The following LRMDA variants were observed in gnomAD, a reference collection of about 807,000 sequenced individuals.
The protein encoded by LRMDA is leucine rich melanocyte differentiation associated, also known as leucine-rich melanocyte differentiation-associated protein.
LRMDA carries 18 observed loss-of-function variants against 29.8 expected under a neutral mutation model. The ratio of observed to expected loss-of-function variants is 0.60; its 90% CI spans 0.42 to 0.90. The LOEUF is 0.90. Ranked by LOEUF, LRMDA falls within the 40% of genes least tolerant of loss-of-function variation. The pLI is 0.00. For synonymous variants in LRMDA, 125 were observed against 109.4 expected, an observed-to-expected ratio of 1.14 and a Z score of -0.89; for missense variants, 273 against 273.9, an observed-to-expected ratio of 1.00 and a Z score of 0.02.
intron 5 of LRMDA, among the ~76,000 whole-genome samples, chr10:76,272,694 A>T (rs541371209): frequency 6.6e-6 from 1 of 152,116 alleles, no homozygotes; most frequent in Non-Finnish European, 1.5e-5. Flanking sequence ...TGCTATAAAG[A>T]TACTACCTGA....
At chr10:75,662,718 G>A (rs1432351521) in intron 2 of LRMDA, among the ~76,000 whole-genome samples, 1 of 152,188 alleles carries the variant, frequency 6.6e-6, no homozygotes, top group African/African-American at 2.4e-5. Context: ...GGAGTCTCTT[G>A]TTGATTTATG....
intron 6 of LRMDA, among the ~76,000 whole-genome samples, chr10:76,477,455 T>C: frequency 6.6e-6 from 1 of 151,876 alleles, no homozygotes; most frequent in Non-Finnish European, 1.5e-5. Flanking sequence ...AGAATCAATA[T>C]CGTGAAAATG....
chr10:76,538,228 C>A (rs937577252), intron 6 of LRMDA, among the ~76,000 whole-genome samples: 1 of 151,630 alleles, frequency 6.6e-6, no homozygotes, highest in Non-Finnish European at 1.5e-5. Context: ...CAGAGAAGTC[C>A]CTGTCCCATC....
intron 6 of LRMDA, among the ~76,000 whole-genome samples, chr10:76,419,215 G>A (rs539855161): frequency 5.5e-4 from 84 of 152,092 alleles, no homozygotes; most frequent in Non-Finnish European, 1.1e-3. Context: ...TCACTGCCCT[G>A]AAAATCTTTT....
intron 2 of LRMDA, among the ~76,000 whole-genome samples, chr10:75,600,473 A>C (rs1290081429): frequency 6.6e-6 from 1 of 152,194 alleles, no homozygotes; most frequent in Non-Finnish European, 1.5e-5. Context: ...TCCTGTAGCT[A>C]AATTACCCTA....
At chr10:75,948,674 C>A (rs1404501264) in intron 2 of LRMDA, among the ~76,000 whole-genome samples, 1 of 152,104 alleles carries the variant, frequency 6.6e-6, no homozygotes, top group Non-Finnish European at 1.5e-5. Context: ...ACTGAATCTG[C>A]AACATTTAAT....
chr10:75,618,382 C>CTATATATA (rs71477026), intron 2 of LRMDA, among the ~76,000 whole-genome samples: 33 of 77,016 alleles, frequency 4.3e-4, no homozygotes, highest in African/African-American at 1.2e-3. Flanking sequence ...CTCTCTCTCT[C>CTATATATA]TATATATATA....
At chr10:76,471,264 A>C (rs1842614905) in intron 6 of LRMDA, among the ~76,000 whole-genome samples, 1 of 151,762 alleles carries the variant, frequency 6.6e-6, no homozygotes, top group Non-Finnish European at 1.5e-5. Context: ...GTAGGTTTGT[A>C]ATATATTTAA....
chr10:76,206,610 G>A (rs1048314726), intron 5 of LRMDA, among the ~76,000 whole-genome samples: 5 of 152,186 alleles, frequency 3.3e-5, no homozygotes, highest in South Asian at 2.1e-4. Context: ...CCTTTTGTGG[G>A]ACTCTGGGAA....
chr10:75,476,488 G>A (rs764038535), intron 2 of LRMDA, among the ~76,000 whole-genome samples: 1 of 152,114 alleles, frequency 6.6e-6, no homozygotes, highest in Non-Finnish European at 1.5e-5. Context: ...CTGAGTTCAT[G>A]TTCTCACACC....
At chr10:76,430,049 T>C (rs1842174978) in intron 6 of LRMDA, among the ~76,000 whole-genome samples, 1 of 152,236 alleles carries the variant, frequency 6.6e-6, no homozygotes, top group African/African-American at 2.4e-5. Flanking sequence ...TAGCTGTAAA[T>C]TTATCTTATG....
intron 5 of LRMDA, among the ~76,000 whole-genome samples, chr10:76,127,068 T>C (rs1357167864): frequency 6.6e-6 from 1 of 152,188 alleles, no homozygotes; most frequent in Non-Finnish European, 1.5e-5. Flanking sequence ...GCCAAGTGGA[T>C]GTTCACTGTT....
intron 5 of LRMDA, among the ~76,000 whole-genome samples, chr10:76,159,624 G>A (rs1030471025): frequency 5.3e-5 from 8 of 152,180 alleles, no homozygotes; most frequent in African/African-American, 1.9e-4. Flanking sequence ...AAAACTTGGA[G>A]GCAACCAAGA....
chr10:76,473,485 A>G (rs910856319), intron 6 of LRMDA, among the ~76,000 whole-genome samples: 87 of 151,662 alleles, frequency 5.7e-4, no homozygotes, highest in African/African-American at 2.0e-3. Context: ...CTCCACTTTT[A>G]TTTAACATTA....
intron 2 of LRMDA, among the ~76,000 whole-genome samples, chr10:75,689,355 TA>T (rs1388604676): frequency 1.3e-5 from 2 of 152,202 alleles, no homozygotes; most frequent in Non-Finnish European, 2.9e-5. Flanking sequence ...GTTTCATCTT[TA>T]GGTGGATTCT....
chr10:76,120,982 G>A (rs554836089), intron 5 of LRMDA, among the ~76,000 whole-genome samples: 1 of 152,100 alleles, frequency 6.6e-6, no homozygotes, highest in African/African-American at 2.4e-5. Flanking sequence ...ACAGGTGCCC[G>A]CCACCACGCC....
At chr10:75,945,039 A>G (rs1034336626) in intron 2 of LRMDA, among the ~76,000 whole-genome samples, 1 of 152,106 alleles carries the variant, frequency 6.6e-6, no homozygotes, top group South Asian at 2.1e-4. Context: ...TCCTATTCTT[A>G]TGTTGTCTAG....
intron 6 of LRMDA, among the ~76,000 whole-genome samples, chr10:76,459,032 C>T (rs972653546): frequency 3.9e-5 from 6 of 152,132 alleles, no homozygotes; most frequent in African/African-American, 1.4e-4. Context: ...GCCAGATGCA[C>T]ATTTCTTATT....
chr10:75,501,793 G>A (rs911358164), intron 2 of LRMDA, among the ~76,000 whole-genome samples: 1 of 152,136 alleles, frequency 6.6e-6, no homozygotes, highest in African/African-American at 2.4e-5. Flanking sequence ...AGGTCTTAGT[G>A]ACTTAACGTG....
Sources: gnomAD v4.1 joint callset for allele counts (sites outside exome capture counted in the v4.1 genomes callset) on GRCh38, gnomAD v4.1.1 for gene constraint, MANE v1.5 for transcripts, NCBI Gene and HGNC (gene_info 2026-07-23, HGNC 2026-07-21) for gene names.